Variants in ANO5 observed in about 807,000 individuals in gnomAD.
The protein encoded by ANO5 is anoctamin-5.
Under a neutral mutation model 121.0 loss-of-function variants are expected in ANO5, and 109 were observed. The ratio of observed to expected loss-of-function variants is 0.90; its 90% CI spans 0.77 to 1.06. The LOEUF is 1.06. Ranked by LOEUF, ANO5 falls within the 50% of genes least tolerant of loss-of-function variation. The pLI is 0.00. For missense variants in ANO5, 1,064 were observed against 1,078.5 expected (o/e 0.99, Z 0.19); for synonymous variants, 406 against 359.9 (o/e 1.13, Z -1.45).
chr11:22,279,671 A>G lies in ANO5; in HGVS notation c.2648A>G (p.Lys883Arg), dbSNP rs753960763. The G allele has an allele frequency of 1.9e-6, 3 of 1,612,952 alleles. No individual in the cohort carries two copies. The highest frequency in any genetic ancestry group is 1.7e-5 in the Admixed American group (1 of 59,884). Reference sequence around the variant, plus strand: ...ATTCTCCATGATTTTGAGCTCAACAAATTAAAAGAGAACTTGGGAATTAAT... The same window carrying G: ...ATTCTCCATGATTTTGAGCTCAACAGATTAAAAGAGAACTTGGGAATTAAT... ...IKILHDFELN[K>R]LKENLGINSN... is the part of the protein sequence containing the mutation. The change falls in exon 22 of 22, where the codon AAA becomes AGA. Residue 883 changes from lysine (K) to arginine (R), a missense_variant. Coordinates refer to ENST00000324559, the MANE Select transcript of ANO5 (RefSeq NM_213599.3).
chr11:22,276,299 A>G, intron 21 of ANO5, 100 bp downstream of exon 21: 1 of 941,394 alleles, frequency 1.1e-6, no homozygotes, highest in Admixed American at 1.9e-5. Flanking sequence ...TATCTCAGTA[A>G]ACTGTCTTGA....
chr11:22,240,625 TAATC>T (rs749948980), intron 9 of ANO5, among the ~76,000 whole-genome samples: 1 of 152,100 alleles, frequency 6.6e-6, no homozygotes. Context: ...TTTTGAATAA[TAATC>T]ATTTAATACT....
In ANO5 at chr11:22,252,029, C is replaced by CAAAAA. The variant is rs10525160; in HGVS notation, c.1180+1044_1180+1048dup. ...TGAGAGACAGAGCAAGACGCCGTCT[C>CAAAAA]AAAAAAAAAAAAAAAAAAAAAAAAA... On this transcript the variant is annotated intron_variant, in intron 12 of 21. Coordinates refer to ENST00000324559, the MANE Select transcript of ANO5 (RefSeq NM_213599.3). Among the ~76,000 whole-genome samples, 43 of 45,854 alleles carry CAAAAA rather than the reference C, an allele frequency of 9.4e-4. 1 individual carries two copies. The highest frequency in any genetic ancestry group is 2.7e-3 in the African/African-American group (41 of 14,918). 30.1% of individuals were successfully genotyped at this position (45,854 alleles called of 152,430 possible). A position where few individuals can be genotyped will look rare whatever the true frequency, so the allele number is the denominator to read the frequency against.
chr11:22,237,776 C>A (rs942910690), intron 8 of ANO5, among the ~76,000 whole-genome samples: 7 of 152,106 alleles, frequency 4.6e-5, no homozygotes, highest in Middle Eastern at 3.4e-3. Flanking sequence ...AAAAACCAAA[C>A]AGCCTCTTCT....
At chr11:22,275,614 T>C (rs1388309306) in intron 20 of ANO5, among the ~76,000 whole-genome samples, 1 of 151,816 alleles carries the variant, frequency 6.6e-6, no homozygotes, top group East Asian at 1.9e-4. Flanking sequence ...TTCAGAATTG[T>C]GTTAAGAAAA....
Position 22,282,223 on chromosome 11 carries a change from T to C in ANO5, c.*2458T>C, listed in dbSNP as rs1855108886. 1 of 152,164 alleles carries C rather than the reference T, an allele frequency of 6.6e-6. No individual in the cohort carries two copies. Among genetic ancestry groups the C allele is most frequent in the Non-Finnish European group, 1.5e-5 (1 of 68,004 alleles). 9.4% of individuals were successfully genotyped at this position (152,164 alleles called of 1,614,324 possible). On this transcript the variant is annotated 3_prime_UTR_variant, in exon 22 of 22. Coordinates refer to ENST00000324559, the MANE Select transcript of ANO5 (RefSeq NM_213599.3). ...ATGTTCTAGGGAACATTTGAGATTTTATGTGAAATAAAATTTTAAGTGCCA... is the reference window on the plus strand; with the variant it reads ...ATGTTCTAGGGAACATTTGAGATTTCATGTGAAATAAAATTTTAAGTGCCA...
intron 17 of ANO5, 70 bp downstream of exon 17, chr11:22,263,113 A>G: frequency 7.5e-7 from 1 of 1,339,720 alleles, no homozygotes; most frequent in East Asian, 2.3e-5. Flanking sequence ...AAGAAGATGG[A>G]ATTTTTTGAT....
intron 3 of ANO5, among the ~76,000 whole-genome samples, chr11:22,212,714 C>T (rs1852319683): frequency 6.6e-6 from 1 of 151,924 alleles, no homozygotes; most frequent in South Asian, 2.1e-4. Flanking sequence ...TTGCATTTCT[C>T]ACAACATGTG....
At chr11:22,271,092 G>T (rs1471211585) in intron 18 of ANO5, among the ~76,000 whole-genome samples, 2 of 152,130 alleles carry the variant, frequency 1.3e-5, no homozygotes, top group African/African-American at 4.8e-5. Flanking sequence ...TCGCTCTGTC[G>T]CTCAGGCTGG....
At chr11:22,220,050 T>C (rs1047417566) in intron 4 of ANO5, among the ~76,000 whole-genome samples, 12 of 151,924 alleles carry the variant, frequency 7.9e-5, no homozygotes, top group African/African-American at 2.9e-4. Flanking sequence ...ACTTATGGCT[T>C]ATTTGCATAT....
intron 9 of ANO5, among the ~76,000 whole-genome samples, chr11:22,247,032 G>A (rs764722961): frequency 2.6e-5 from 4 of 151,920 alleles, no homozygotes; most frequent in Non-Finnish European, 5.9e-5. Flanking sequence ...TTGTTTGCAG[G>A]AACACACACA....
chr11:22,247,827 A>T (rs993995824), intron 9 of ANO5, among the ~76,000 whole-genome samples: 1 of 152,140 alleles, frequency 6.6e-6, no homozygotes, highest in African/African-American at 2.4e-5. Context: ...TTGAAGACTG[A>T]TCACTGGCAC....
intron 7 of ANO5, among the ~76,000 whole-genome samples, chr11:22,228,834 A>G (rs1852936281): frequency 6.6e-6 from 1 of 151,982 alleles, no homozygotes; most frequent in African/African-American, 2.4e-5. Context: ...TAGCCATAAA[A>G]TTTATTTAAT....
intron 12 of ANO5, 54 bp from the exon 13 acceptor site, chr11:22,255,317 A>G: frequency 7.0e-7 from 1 of 1,428,544 alleles, no homozygotes; most frequent in African/African-American, 1.5e-5. Flanking sequence ...GGAAAAGTTG[A>G]AAAAGTTTTT....
At chr11:22,225,763 T>G (rs1852804443) in intron 5 of ANO5, among the ~76,000 whole-genome samples, 1 of 152,116 alleles carries the variant, frequency 6.6e-6, no homozygotes, top group African/African-American at 2.4e-5. Context: ...GCTCTGCATA[T>G]TTCCTGGTGA....
At chr11:22,217,643 G>C (rs1852491619) in intron 3 of ANO5, among the ~76,000 whole-genome samples, 1 of 151,492 alleles carries the variant, frequency 6.6e-6, no homozygotes. Flanking sequence ...CATGGATGTA[G>C]CTGGAGGCCA....
chr11:22,230,595 C>T (rs911421964), intron 7 of ANO5, among the ~76,000 whole-genome samples: 3 of 151,990 alleles, frequency 2.0e-5, no homozygotes, highest in South Asian at 2.1e-4. Context: ...CTACAAATCA[C>T]GTCTGTGTGC....
chr11:22,216,886 T>C (rs894432656), intron 3 of ANO5, among the ~76,000 whole-genome samples: 1 of 151,936 alleles, frequency 6.6e-6, no homozygotes, highest in Non-Finnish European at 1.5e-5. Flanking sequence ...TGGGAGTCTT[T>C]CATTTTTCTT....
At chr11:22,236,988 A>G (rs1853245404) in intron 8 of ANO5, among the ~76,000 whole-genome samples, 2 of 152,146 alleles carry the variant, frequency 1.3e-5, no homozygotes, top group Admixed American at 1.3e-4. Context: ...ACCAATACTC[A>G]GCCTAATTTC....
Sources: gnomAD v4.1 joint callset for allele counts (sites outside exome capture counted in the v4.1 genomes callset) on GRCh38, gnomAD v4.1.1 for gene constraint, MANE v1.5 for transcripts, NCBI Gene and HGNC (gene_info 2026-07-23, HGNC 2026-07-21) for gene names.